The following KALRN variants were observed in gnomAD, a reference collection of about 807,000 sequenced individuals.
The protein encoded by KALRN is kalirin.
A neutral mutation model predicts 353.7 loss-of-function variants in KALRN; 70 were observed. That is an observed-to-expected ratio of 0.20 (90% CI 0.16 to 0.24). The LOEUF is 0.24. KALRN is among the 10% of genes least tolerant of loss of function. The pLI is 1.00. For synonymous variants in KALRN, 1,391 were observed against 1,434.8 expected (o/e 0.97, Z 0.69); for missense variants, 2,791 against 3,756.7 (o/e 0.74, Z 6.72).
chr3:124,678,351 A>G, intron 50 of KALRN, 38 bp downstream of exon 50: 1 of 1,607,490 alleles, frequency 6.2e-7, no homozygotes, highest in Non-Finnish European at 8.5e-7. Flanking sequence ...CCCACCTGTC[A>G]TCCACTCCCA....
chr3:124,592,928 C>T (rs2075945750), intron 34 of KALRN, among the ~76,000 whole-genome samples: 1 of 152,242 alleles, frequency 6.6e-6, no homozygotes. Flanking sequence ...TTTTGCCTTT[C>T]TGGTGACCAC....
At chr3:124,468,312 A>G (rs908921794) in intron 25 of KALRN, among the ~76,000 whole-genome samples, 1 of 152,166 alleles carries the variant, frequency 6.6e-6, no homozygotes, top group Non-Finnish European at 1.5e-5. Flanking sequence ...GTTGCCACCC[A>G]TAAATTGATT....
chr3:124,499,036 T>G (rs544153469), intron 33 of KALRN, among the ~76,000 whole-genome samples: 11 of 151,978 alleles, frequency 7.2e-5, no homozygotes, highest in African/African-American at 2.7e-4. Context: ...GGGGAAGGGG[T>G]GGAGACAGCT....
At chr3:124,285,558 A>G (rs2075754702) in intron 5 of KALRN, among the ~76,000 whole-genome samples, 1 of 152,206 alleles carries the variant, frequency 6.6e-6, no homozygotes, top group African/African-American at 2.4e-5. Context: ...TTTTTGAGAC[A>G]GAGTTTCACT....
intron 34 of KALRN, among the ~76,000 whole-genome samples, chr3:124,597,735 G>A (rs56357320): frequency 0.15 from 23,535 of 152,004 alleles, 1,952 homozygotes; most frequent in Middle Eastern, 0.19. Flanking sequence ...TTTTATATTG[G>A]TTATATATTG....
intron 1 of KALRN, among the ~76,000 whole-genome samples, chr3:124,074,788 T>A (rs1225263032): frequency 4.6e-5 from 7 of 152,218 alleles, no homozygotes; most frequent in Non-Finnish European, 7.3e-5. Context: ...GAACCCCACT[T>A]TTAAACTTTC....
rs1401071251 is a variant in KALRN at position 124,721,549 on chromosome 3, CAT to C, written c.*2080_*2081del. 6 of 152,068 alleles carry C rather than the reference CAT, an allele frequency of 3.9e-5. No individual in the cohort carries two copies. Among genetic ancestry groups the C allele is most frequent in the Non-Finnish European group, 7.4e-5 (5 of 68,006 alleles). The allele number at this position is 152,068 out of a possible 1,614,324, so 9.4% of individuals were successfully genotyped here. ...TATTTAGTAAAAAAATTTTAGTAAA[CAT>C]GTTTTCATTGTGTTTAAAAAATTTA... On this transcript the variant is annotated 3_prime_UTR_variant, in exon 60 of 60. Transcript: ENST00000682506.
intron 2 of KALRN, among the ~76,000 whole-genome samples, chr3:124,231,173 T>A (rs1437596779): frequency 1.3e-5 from 2 of 152,204 alleles, no homozygotes; most frequent in Non-Finnish European, 2.9e-5. Flanking sequence ...CATGTGGGCG[T>A]GTGCATGTCT....
intron 1 of KALRN, among the ~76,000 whole-genome samples, chr3:124,041,270 A>T (rs1490906673): frequency 6.6e-6 from 1 of 152,190 alleles, no homozygotes; most frequent in African/African-American, 2.4e-5. Flanking sequence ...TGACTTTAAC[A>T]TCTGTGTAAG....
At chr3:124,359,566 G>C (rs909428213) in intron 10 of KALRN, among the ~76,000 whole-genome samples, 2 of 152,128 alleles carry the variant, frequency 1.3e-5, no homozygotes, top group Non-Finnish European at 2.9e-5. Flanking sequence ...GGGTCAATCT[G>C]TTTTTTCCAC....
intron 1 of KALRN, among the ~76,000 whole-genome samples, chr3:124,081,758 G>A (rs2060554236): frequency 6.6e-6 from 1 of 151,726 alleles, no homozygotes; most frequent in Non-Finnish European, 1.5e-5. Context: ...CCCTGTCTCA[G>A]AAAAAACAAG....
At chr3:124,434,591 T>A in intron 17 of KALRN, 66 bp downstream of exon 17, 1 of 1,468,458 alleles carries the variant, frequency 6.8e-7, no homozygotes, top group Non-Finnish European at 9.5e-7. Context: ...TGCCTTGCAG[T>A]GTAAATGTGC....
intron 1 of KALRN, among the ~76,000 whole-genome samples, chr3:124,178,807 A>G (rs2073146818): frequency 6.6e-6 from 1 of 152,152 alleles, no homozygotes; most frequent in Non-Finnish European, 1.5e-5. Context: ...CATTAAATTT[A>G]TTTAAATATT....
chr3:124,351,654 G>A (rs983820378), intron 10 of KALRN, among the ~76,000 whole-genome samples: 23 of 152,200 alleles, frequency 1.5e-4, no homozygotes, highest in African/African-American at 5.3e-4. Flanking sequence ...GATAGTGGAG[G>A]CATCTGTGAT....
In KALRN at chr3:124,269,251, A is replaced by G; in HGVS notation, c.965A>G (p.Glu322Gly). 1.3e-6 allele frequency: 2 copies of G among 1,594,292 alleles called. No homozygotes were observed. Among genetic ancestry groups the G allele is most frequent in the Non-Finnish European group, 1.7e-6 (2 of 1,166,220 alleles). Residue 322 changes from glutamate (E) to glycine (G), a missense_variant, in exon 5 of 60, where the codon GAG (glutamate) becomes GGG (glycine). Physicochemically the swap from Glu to Gly is moderately conservative, Grantham distance 98 (BLOSUM62 -2). Around this residue, in one of 11 missense-constraint regions of KALRN, gnomAD observed 366 missense variants for 489.2 expected, o/e 0.75. Transcript: ENST00000682506. ...FQLRLFEQDA[E>G]KMFDWISHNK... ...CTGCGGCTCTTCGAGCAGGATGCTG[A>G]GAAGGTAGGAAGGGAACAGGCCAAA... is the stretch of plus-strand genomic sequence containing the variant.
chr3:124,244,293 A>G (rs1327025549), intron 3 of KALRN, among the ~76,000 whole-genome samples: 1 of 152,024 alleles, frequency 6.6e-6, no homozygotes, highest in Non-Finnish European at 1.5e-5. Context: ...GCTGGAGTGC[A>G]ATGGCGTGAT....
At chr3:124,647,548 C>G (rs906865579) in intron 37 of KALRN, among the ~76,000 whole-genome samples, 3 of 152,198 alleles carry the variant, frequency 2.0e-5, no homozygotes, top group Non-Finnish European at 4.4e-5. Flanking sequence ...TTAAGTCTTT[C>G]CTTCTCCATC....
At position 124,446,828 on chromosome 3, in the gene KALRN, C is replaced by A. The variant is rs759684726; in HGVS notation, c.3495C>A (p.Thr1165=). 1 of 1,613,744 alleles carries A rather than the reference C, an allele frequency of 6.2e-7. No individual in the cohort carries two copies. Among genetic ancestry groups the A allele is most frequent in the South Asian group, 1.1e-5 (1 of 91,066 alleles). Residue 1165 remains threonine (T), a synonymous_variant, in exon 21 of 60, where the codon ACC becomes ACA. Coordinates refer to ENST00000682506, the MANE Select transcript of KALRN (RefSeq NM_001388419.1). The part of the protein sequence containing the change: ...YLSTHTSTGE[T]TEETQELLKE... Reference sequence around the variant, plus strand: ...CAACACATACCTCCACTGGAGAGACCACAGAGGAGACTCAGGAACTGCTGA... The same window carrying A: ...CAACACATACCTCCACTGGAGAGACAACAGAGGAGACTCAGGAACTGCTGA...
At chr3:124,139,662 G>T (rs992693997) in intron 1 of KALRN, among the ~76,000 whole-genome samples, 3 of 152,276 alleles carry the variant, frequency 2.0e-5, no homozygotes, top group East Asian at 1.9e-4. Context: ...GCACCTGGGG[G>T]TTCCCTTGTC....
Sources: gnomAD v4.1 joint callset for allele counts (sites outside exome capture counted in the v4.1 genomes callset) on GRCh38, gnomAD v4.1.1 for gene constraint, gnomAD v4.1.1 regional missense constraint, MANE v1.5 for transcripts, NCBI Gene and HGNC (gene_info 2026-07-23, HGNC 2026-07-21) for gene names.